GAK: variants seen among roughly 807,000 people sequenced by gnomAD.
The protein encoded by GAK is cyclin G associated kinase, also known as cyclin-G-associated kinase.
GAK carries 79 observed loss-of-function variants against 143.9 expected under a neutral mutation model. That is an observed-to-expected ratio of 0.55 (90% CI 0.46 to 0.66). The LOEUF is 0.66. Ranked by LOEUF, GAK falls within the 30% of genes least tolerant of loss-of-function variation. The probability of loss-of-function intolerance (pLI) is 0.00; values close to 1 mark genes in which losing one functional copy is unlikely to be tolerated. For synonymous variants in GAK, 881 were observed against 765.5 expected (o/e 1.15, Z -2.49); for missense variants, 1,693 against 1,779.7 (o/e 0.95, Z 0.88).
At position 926,900 on chromosome 4, in the gene GAK, C is replaced by G. The variant is rs1320178756; in HGVS notation, c.145+5143G>C. ...ACCCCCCCCACCCCGCTCACCTGCG[C>G]TCCGCACTGCCCCGCACCCCTCCCG... On this transcript the variant is annotated intron_variant, in intron 1 of 27. Coordinates refer to ENST00000314167, the MANE Select transcript of GAK (RefSeq NM_005255.4). 2.0e-3 allele frequency among the ~76,000 whole-genome samples: 189 copies of G among 92,624 alleles called. 11 individuals are homozygous for G. The highest frequency in any genetic ancestry group is 9.3e-3 in the East Asian group (20 of 2,148). The allele number at this position is 92,624 out of a possible 152,430, so 60.8% of individuals were successfully genotyped here. A position where few individuals can be genotyped will look rare whatever the true frequency, so the allele number is the denominator to read the frequency against.
intron 10 of GAK, among the ~76,000 whole-genome samples, chr4:889,785 C>A (rs1284304701): frequency 6.6e-6 from 1 of 152,218 alleles, no homozygotes; most frequent in Admixed American, 6.5e-5. Flanking sequence ...ATGTCCTCGA[C>A]GGCTCACCCG....
Position 903,362 on chromosome 4 carries a change from G to A in GAK, c.525+1275C>T, listed in dbSNP as rs574736691. 6.4e-4 allele frequency among the ~76,000 whole-genome samples: 98 copies of A among 152,326 alleles called. No homozygotes were observed. In the South Asian group the frequency reaches 0.02, roughly 31 times the overall value. On this transcript the variant is annotated intron_variant, in intron 5 of 27. Coordinates refer to ENST00000314167, the MANE Select transcript of GAK (RefSeq NM_005255.4). ...TGAACGGAAGGGGAGGTGCAGTGGG[G>A]GGACAGTCAGGAAGTGCAAAGAGCT...
chr4:902,605 A>AAAAACAAAAAAC (rs1553889063), intron 5 of GAK, among the ~76,000 whole-genome samples: 12 of 130,386 alleles, frequency 9.2e-5, no homozygotes, highest in Non-Finnish European at 1.7e-4. Flanking sequence ...TCAAAAAAAA[A>AAAAACAAAAAAC]AAAAAAAAAC....
At chr4:917,707 A>G (rs1482317495) in intron 1 of GAK, among the ~76,000 whole-genome samples, 2 of 152,298 alleles carry the variant, frequency 1.3e-5, no homozygotes, top group African/African-American at 4.8e-5. Context: ...TGCCTTGATT[A>G]GCGTGGCAGA....
chr4:864,359 TCAAAAA>T (rs1229947651), intron 23 of GAK, among the ~76,000 whole-genome samples: 1 of 152,102 alleles, frequency 6.6e-6, no homozygotes, highest in East Asian at 1.9e-4. Flanking sequence ...AGACCCTGTC[TCAAAAA>T]CAAAAACAAA....
chr4:852,150 G>T, intron 24 of GAK, 176 bp from the exon 25 acceptor site: 1 of 648,850 alleles, frequency 1.5e-6, no homozygotes, highest in East Asian at 2.7e-5. Flanking sequence ...GTCTCCAGGG[G>T]CTGGAGCACA....
At chr4:889,783 G>C (rs1717285436) in intron 10 of GAK, among the ~76,000 whole-genome samples, 1 of 152,218 alleles carries the variant, frequency 6.6e-6, no homozygotes, top group Non-Finnish European at 1.5e-5. Context: ...CCATGTCCTC[G>C]ACGGCTCACC....
intron 22 of GAK, among the ~76,000 whole-genome samples, chr4:866,064 C>T (rs1296190641): frequency 1.3e-5 from 2 of 152,278 alleles, no homozygotes; most frequent in Non-Finnish European, 2.9e-5. Flanking sequence ...CTAACAGCTG[C>T]AAGGCCTGGG....
intron 24 of GAK, chr4:859,291 C>T (rs1285401546): frequency 7.7e-7 from 1 of 1,291,618 alleles, no homozygotes; most frequent in Admixed American, 2.3e-5. Context: ...CCCAGCTACA[C>T]CCCACTTCCA....
chr4:876,498 C>T (rs1460373221), intron 18 of GAK, 32 bp downstream of exon 18: 5 of 1,598,644 alleles, frequency 3.1e-6, no homozygotes, highest in Admixed American at 3.3e-5. Context: ...GCACCTGTCC[C>T]TCCCCACCGA....
At chr4:869,609 CACAT>C (rs1307701737) in intron 19 of GAK, 1 of 76,052 alleles carries the variant, frequency 1.3e-5, no homozygotes, top group Admixed American at 1.3e-4. Context: ...AGCACATACA[CACAT>C]GCAGGGTACA....
intron 2 of GAK, among the ~76,000 whole-genome samples, chr4:913,368 C>G (rs1163292960): frequency 6.6e-6 from 1 of 152,222 alleles, no homozygotes; most frequent in Non-Finnish European, 1.5e-5. Flanking sequence ...AGGTCACCCC[C>G]AGCACAGCCC....
Position 884,297 on chromosome 4 carries a change from G to A in GAK, c.1206-211C>T, listed in dbSNP as rs1715797591. 3 of 551,906 alleles carry A rather than the reference G, an allele frequency of 5.4e-6. No individual in the cohort carries two copies. In the South Asian group the frequency reaches 6.5e-5, roughly 12 times the overall value. The allele number at this position is 551,906 out of a possible 1,614,324, so 34.2% of individuals were successfully genotyped here. On this transcript the variant is annotated intron_variant, in intron 11 of 27. Transcript: ENST00000314167. ...CTGACCCCTACATCAGAAACGGATG[G>A]AAATGACAGCCTGCAGCTGGTGGAG...
rs575773211 is a variant in GAK, at chr4:867,570, C to T, written c.2396-138G>A. ...GGCCAGCACCAGGGTCCCCACGGCG[C>T]GTCCCTTCAGGGCCTCCTCGGCCCA... On this transcript the variant is annotated intron_variant, in intron 20 of 27. Coordinates refer to ENST00000314167, the MANE Select transcript of GAK (RefSeq NM_005255.4). 39 of 369,226 alleles carry T rather than the reference C, an allele frequency of 1.1e-4. 1 individual carries two copies. Among genetic ancestry groups the T allele is most frequent in the South Asian group, 1.6e-4 (4 of 25,402 alleles). 22.9% of individuals were successfully genotyped at this position (369,226 alleles called of 1,614,324 possible). A position where few individuals can be genotyped will look rare whatever the true frequency, so the allele number is the denominator to read the frequency against.
intron 1 of GAK, among the ~76,000 whole-genome samples, chr4:918,884 C>T (rs112752861): frequency 0.04 from 5,363 of 133,134 alleles, 60 homozygotes; most frequent in East Asian, 0.12. Context: ...GCTCCAAAGG[C>T]CTCAGCGCCC....
intron 1 of GAK, among the ~76,000 whole-genome samples, chr4:914,495 G>A (rs1209495606): frequency 2.0e-4 from 13 of 64,374 alleles, no homozygotes; most frequent in African/African-American, 2.7e-4. Context: ...CAGCCCCAGC[G>A]TGCACGGCCC....
At chr4:887,984 C>G (rs561344718) in intron 11 of GAK, 2 of 152,474 alleles carry the variant, frequency 1.3e-5, no homozygotes, top group South Asian at 2.1e-4. Flanking sequence ...CATGCACCCA[C>G]GCTCACATGT....
chr4:849,831 A>AGGTG, intron 27 of GAK, 57 bp from the exon 28 acceptor site: 1 of 999,058 alleles, frequency 1.0e-6, no homozygotes. Context: ...CGGGCGGGGC[A>AGGTG]GGACCCCCCC....
chr4:891,246 C>G (rs1041569465), intron 9 of GAK, among the ~76,000 whole-genome samples: 1 of 152,072 alleles, frequency 6.6e-6, no homozygotes, highest in African/African-American at 2.4e-5. Flanking sequence ...CAGGCGTGAG[C>G]CACTGCACCC....
Sources: gnomAD v4.1 joint callset for allele counts (sites outside exome capture counted in the v4.1 genomes callset) on GRCh38, gnomAD v4.1.1 for gene constraint, MANE v1.5 for transcripts, NCBI Gene and HGNC (gene_info 2026-07-23, HGNC 2026-07-21) for gene names.